The following GLYR1 variants were observed in gnomAD, a reference collection of about 807,000 sequenced individuals.
The protein encoded by GLYR1 is cytokine-like nuclear factor N-PAC.
GLYR1 carries 21 observed loss-of-function variants against 72.7 expected under a neutral mutation model. The ratio of observed to expected loss-of-function variants is 0.29; its 90% CI spans 0.20 to 0.42. GLYR1 has a LOEUF of 0.42. Ranked by LOEUF, GLYR1 falls within the 10% of genes least tolerant of loss-of-function variation. The pLI, the probability that GLYR1 is intolerant of heterozygous loss-of-function variation, is 1.00. For missense variants in GLYR1, 594 were observed against 712.1 expected (o/e 0.83, Z 1.89); for synonymous variants, 392 against 270.2 (o/e 1.45, Z -4.42).
intron 15 of GLYR1, among the ~76,000 whole-genome samples, chr16:4,806,955 C>G (rs573302351): frequency 4.6e-5 from 7 of 151,140 alleles, no homozygotes; most frequent in Admixed American, 4.6e-4. Context: ...TACAGGCGCC[C>G]GCCACCACGC....
At position 4,845,289 on chromosome 16, in the gene GLYR1, T is replaced by C. The variant is rs190869203; in HGVS notation, c.76-136A>G. The C allele has an allele frequency of 2.3e-4, 143 of 627,152 alleles. No homozygotes were observed. The African/African-American group carries it at 2.4e-3, about 10-fold the overall frequency. 38.8% of individuals were successfully genotyped at this position (627,152 alleles called of 1,614,324 possible). A position where few individuals can be genotyped will look rare whatever the true frequency, so the allele number is the denominator to read the frequency against. On this transcript the variant is annotated intron_variant, in intron 2 of 15. Coordinates refer to ENST00000321919, the MANE Select transcript of GLYR1 (RefSeq NM_032569.4). Reference sequence around the variant, plus strand: ...GGACTTACTTACAAATAAATTTATTTATATACAAAACAGAACCCAAGGCCT... The same window carrying C: ...GGACTTACTTACAAATAAATTTATTCATATACAAAACAGAACCCAAGGCCT...
chr16:4,841,651 GAACAAC>G (rs140268529), intron 3 of GLYR1, among the ~76,000 whole-genome samples: 19,689 of 150,004 alleles, frequency 0.13, 1,446 homozygotes, highest in East Asian at 0.24. Context: ...AACCAAACAA[GAACAAC>G]AACAACAACA....
chr16:4,846,484 G>T (rs1202869052), intron 1 of GLYR1, among the ~76,000 whole-genome samples: 1 of 152,250 alleles, frequency 6.6e-6, no homozygotes, highest in African/African-American at 2.4e-5. Flanking sequence ...ACGGGGGTGG[G>T]AGGACAGCTT....
At chr16:4,838,724 C>A (rs542686101) in intron 3 of GLYR1, among the ~76,000 whole-genome samples, 1 of 152,052 alleles carries the variant, frequency 6.6e-6, no homozygotes, top group Non-Finnish European at 1.5e-5. Context: ...GTAGCTGGGA[C>A]TACAGGTGCC....
intron 10 of GLYR1, among the ~76,000 whole-genome samples, chr16:4,816,075 G>A (rs2141968490): frequency 6.6e-6 from 1 of 152,208 alleles, no homozygotes; most frequent in African/African-American, 2.4e-5. Flanking sequence ...GGCCTTGTTT[G>A]ATATATTTTA....
intron 3 of GLYR1, among the ~76,000 whole-genome samples, chr16:4,840,919 T>C (rs189606048): frequency 9.4e-4 from 143 of 152,344 alleles, no homozygotes; most frequent in African/African-American, 3.4e-3. Flanking sequence ...ACTAAGGAAG[T>C]GTTCCTTCTT....
At chr16:4,822,822 G>A (rs2084125007) in intron 7 of GLYR1, 53 bp downstream of exon 7, 2 of 1,443,756 alleles carry the variant, frequency 1.4e-6, no homozygotes, top group Non-Finnish European at 9.8e-7. Flanking sequence ...CAGTGGAGGA[G>A]CACTCCTTGG....
At chr16:4,808,707 T>C (rs1016350145) in intron 15 of GLYR1, among the ~76,000 whole-genome samples, 1 of 151,726 alleles carries the variant, frequency 6.6e-6, no homozygotes, top group African/African-American at 2.4e-5. Context: ...ATTATAATAA[T>C]ATGGTAAAGA....
chr16:4,838,479 G>A (rs980499627), intron 3 of GLYR1, among the ~76,000 whole-genome samples: 6 of 152,226 alleles, frequency 3.9e-5, no homozygotes, highest in Admixed American at 3.3e-4. Context: ...CTTCTCCACT[G>A]TTTGTCCACA....
intron 3 of GLYR1, among the ~76,000 whole-genome samples, chr16:4,833,515 T>A (rs2084928042): frequency 6.6e-6 from 1 of 152,104 alleles, no homozygotes; most frequent in African/African-American, 2.4e-5. Context: ...GAGCCTATAT[T>A]TGTTCATAAA....
In GLYR1 at chr16:4,804,951, G is replaced by GTGTC; in HGVS notation, c.*284_*285insGACA. The stretch of plus-strand genomic sequence containing the variant: ...CGAGAGCCTGTGTGTGTGTGTGTGT[G>GTGTC]TGTGTGTGTGTGTGTGTGTGAACAC... On this transcript the variant is annotated 3_prime_UTR_variant, in exon 16 of 16. Transcript: ENST00000321919. 1.9e-6 allele frequency: 1 copy of GTGTC among 513,938 alleles called. No homozygotes were observed. Among genetic ancestry groups the GTGTC allele is most frequent in the Non-Finnish European group, 3.5e-6 (1 of 281,696 alleles). The allele number at this position is 513,938 out of a possible 1,614,324, so 31.8% of individuals were successfully genotyped here. A position where few individuals can be genotyped will look rare whatever the true frequency, so the allele number is the denominator to read the frequency against.
At chr16:4,821,313 G>A (rs1380643385) in intron 9 of GLYR1, 67 bp downstream of exon 9, 6 of 1,532,944 alleles carry the variant, frequency 3.9e-6, no homozygotes, top group African/African-American at 2.7e-5. Context: ...GAACCCCCCT[G>A]GGGTCACCTT....
intron 9 of GLYR1, among the ~76,000 whole-genome samples, chr16:4,818,118 C>G (rs560956183): frequency 3.9e-4 from 60 of 151,954 alleles, no homozygotes; most frequent in African/African-American, 1.4e-3. Context: ...CCTCAGCTTT[C>G]TGAGTAGCTG....
intron 5 of GLYR1, among the ~76,000 whole-genome samples, chr16:4,825,228 C>G (rs1438789959): frequency 1.3e-5 from 2 of 152,172 alleles, no homozygotes; most frequent in African/African-American, 4.8e-5. Flanking sequence ...TGAGCATGGT[C>G]TACAGGGAGG....
At chr16:4,825,353 C>T (rs189948250) in intron 5 of GLYR1, among the ~76,000 whole-genome samples, 7 of 152,196 alleles carry the variant, frequency 4.6e-5, no homozygotes, top group South Asian at 2.1e-4. Flanking sequence ...CTTTCCCCCC[C>T]GCACCAAACA....
At chr16:4,822,207 C>T (rs576494853) in intron 7 of GLYR1, among the ~76,000 whole-genome samples, 1 of 152,358 alleles carries the variant, frequency 6.6e-6, no homozygotes, top group South Asian at 2.1e-4. Context: ...CTGCCTCAGA[C>T]TCCCAAGTAG....
At chr16:4,832,986 G>T in intron 3 of GLYR1, 74 bp from the exon 4 acceptor site, 1 of 1,386,760 alleles carries the variant, frequency 7.2e-7, no homozygotes, top group Non-Finnish European at 9.6e-7. Flanking sequence ...CCTCACTATG[G>T]CACGGTGTAA....
chr16:4,831,571 C>A (rs1274638347), intron 5 of GLYR1, among the ~76,000 whole-genome samples: 1 of 152,372 alleles, frequency 6.6e-6, no homozygotes, highest in East Asian at 1.9e-4. Flanking sequence ...CCAGGGCCAG[C>A]CCTTGTGCAC....
At chr16:4,844,893 G>C (rs1273902036) in intron 3 of GLYR1, among the ~76,000 whole-genome samples, 181 bp downstream of exon 3, 1 of 152,226 alleles carries the variant, frequency 6.6e-6, no homozygotes, top group Admixed American at 6.5e-5. Context: ...TAGGACAGTT[G>C]TCTAGGGCAA....
Sources: gnomAD v4.1 joint callset for allele counts (sites outside exome capture counted in the v4.1 genomes callset) on GRCh38, gnomAD v4.1.1 for gene constraint, MANE v1.5 for transcripts, NCBI Gene and HGNC (gene_info 2026-07-23, HGNC 2026-07-21) for gene names.